The following NEMP1 variants were observed in gnomAD, a reference collection of about 807,000 sequenced individuals.
NEMP1 encodes the protein transmembrane protein 194.
NEMP1 carries 29 observed loss-of-function variants against 53.7 expected under a neutral mutation model. That is an observed-to-expected ratio of 0.54 (90% CI 0.40 to 0.74). NEMP1 has a LOEUF of 0.74. NEMP1 is among the 30% of genes least tolerant of loss of function. The pLI, the probability that NEMP1 is intolerant of heterozygous loss-of-function variation, is 0.00. For synonymous variants in NEMP1, 193 were observed against 192.9 expected (o/e 1.00, Z 0.00); for missense variants, 477 against 528.6 (o/e 0.90, Z 0.96).
chr12:57,072,962 A>G, intron 1 of NEMP1, 50 bp from the exon 2 acceptor site: 1 of 1,502,058 alleles, frequency 6.7e-7, no homozygotes, highest in Non-Finnish European at 9.0e-7. Context: ...GCTAATAACT[A>G]TAACTCATTT....
Position 57,057,349 on chromosome 12 carries a change from G to A in NEMP1, c.*2530C>T, listed in dbSNP as rs2031575737. 6.6e-6 allele frequency: 1 copy of A among 152,210 alleles called. No individual in the cohort carries two copies. Among genetic ancestry groups the A allele is most frequent in the South Asian group, 2.1e-4 (1 of 4,830 alleles). 9.4% of individuals were successfully genotyped at this position (152,210 alleles called of 1,614,324 possible). A position where few individuals can be genotyped will look rare whatever the true frequency, so the allele number is the denominator to read the frequency against. On this transcript the variant is annotated 3_prime_UTR_variant, in exon 9 of 9. Coordinates refer to ENST00000300128, the MANE Select transcript of NEMP1 (RefSeq NM_001130963.2). ...TTGATGAGATTGGTCTGAGAGATGA[G>A]ACTGTACTGAAATCACAAGAGCTAT...
chr12:57,074,125 C>T (rs2032488521), intron 1 of NEMP1, among the ~76,000 whole-genome samples: 3 of 150,784 alleles, frequency 2.0e-5, no homozygotes, highest in African/African-American at 7.3e-5. Flanking sequence ...TACACCACCA[C>T]ACCCAGCTAG....
intron 4 of NEMP1, among the ~76,000 whole-genome samples, chr12:57,067,567 T>C (rs962235151): frequency 3.9e-5 from 6 of 152,112 alleles, no homozygotes; most frequent in African/African-American, 1.4e-4. Context: ...AACCTTCAAT[T>C]TGGAAAGAAA....
At chr12:57,085,865 G>A (rs1424744076) in intron 1 of NEMP1, among the ~76,000 whole-genome samples, 1 of 152,238 alleles carries the variant, frequency 6.6e-6, no homozygotes, top group East Asian at 1.9e-4. Context: ...CAGCCCCTTT[G>A]GGAGTAAAAT....
At chr12:57,084,455 A>G (rs2032935651) in intron 1 of NEMP1, among the ~76,000 whole-genome samples, 1 of 152,086 alleles carries the variant, frequency 6.6e-6, no homozygotes, top group Non-Finnish European at 1.5e-5. Context: ...CAGCCAATCA[A>G]TCAAGTCCTG....
At position 57,072,852 on chromosome 12, in the gene NEMP1, C is replaced by T. The variant is rs1462166362; in HGVS notation, c.188G>A (p.Ser63Asn). Residue 63 changes from serine to asparagine, a missense_variant, in exon 2 of 9, where the codon AGC becomes AAC. By Grantham distance (46) the Ser-to-Asn change is conservative. Transcript: ENST00000300128. The stretch of plus-strand genomic sequence containing the variant: ...CACATTTGTGTAACAGAATTGTTGG[C>T]TGGCACGCTTTTCACAAACTTGGGA... ...QESQVCEKRASQQFCYTNVLI... is the reference protein window; with the variant it reads ...QESQVCEKRANQQFCYTNVLI... 3 of 1,613,558 alleles carry T rather than the reference C, an allele frequency of 1.9e-6. No individual in the cohort carries two copies. Among genetic ancestry groups the T allele is most frequent in the Admixed American group, 1.7e-5 (1 of 59,916 alleles).
At chr12:57,079,767 A>T (rs1189356758), upstream of NEMP1, among the ~76,000 whole-genome samples, 2 of 149,490 alleles carry the variant, frequency 1.3e-5, no homozygotes, top group African/African-American at 4.9e-5. Context: ...CAAAACAAGA[A>T]TTTTTTTTTT....
intron 4 of NEMP1, among the ~76,000 whole-genome samples, chr12:57,068,322 G>A (rs2032191315): frequency 6.6e-6 from 1 of 150,680 alleles, no homozygotes; most frequent in African/African-American, 2.4e-5. Context: ...TAACTAGTAG[G>A]TTCCTAAAGG....
In NEMP1 at chr12:57,084,914, A is replaced by C. The variant is rs376276548; in HGVS notation, n.113+3037T>G. On this transcript the variant is annotated intron_variant and non_coding_transcript_variant, in intron 1 of 2. Transcript: ENST00000553654. The stretch of plus-strand genomic sequence containing the variant: ...ATTCATTTTTAGTGCATTCTACAAA[A>C]GTAGTGGACAATAATAGATTGGAAA... Among the ~76,000 whole-genome samples the C allele has an allele frequency of 2.0e-5, 3 of 152,214 alleles. No individual in the cohort carries two copies. The South Asian group carries it at 6.2e-4, about 32-fold the overall frequency.
rs944086128 is a variant in NEMP1, at chr12:57,057,713, C to A, written c.*2166G>T. 1 of 152,120 alleles carries A rather than the reference C, an allele frequency of 6.6e-6. No homozygotes were observed. Among genetic ancestry groups the A allele is most frequent in the Non-Finnish European group, 1.5e-5 (1 of 68,012 alleles). The allele number at this position is 152,120 out of a possible 1,614,324, so 9.4% of individuals were successfully genotyped here. Reference sequence around the variant, plus strand: ...AAGTCTAAACACGGTGGAAAAAAAACTGGTCTAGAGATGGAAACTATATTT... The same window carrying A: ...AAGTCTAAACACGGTGGAAAAAAAAATGGTCTAGAGATGGAAACTATATTT... On this transcript the variant is annotated 3_prime_UTR_variant, in exon 9 of 9. Transcript: ENST00000300128.
upstream of NEMP1, among the ~76,000 whole-genome samples, chr12:57,080,260 C>T (rs1032360489): frequency 4.6e-5 from 7 of 152,174 alleles, no homozygotes; most frequent in African/African-American, 1.4e-4. Flanking sequence ...GCTACTGCAC[C>T]TGGTCTAAAA....
At chr12:57,066,510 G>A (rs559907837) in intron 4 of NEMP1, among the ~76,000 whole-genome samples, 45 of 152,220 alleles carry the variant, frequency 3.0e-4, no homozygotes, top group Admixed American at 4.6e-4. Flanking sequence ...TCAGAGAGAT[G>A]TATGACTCTT....
chr12:57,074,809 C>A lies in NEMP1; in HGVS notation c.128-1897G>T, dbSNP rs548611904. Among the ~76,000 whole-genome samples, 24 of 152,190 alleles carry A rather than the reference C, an allele frequency of 1.6e-4. No individual in the cohort carries two copies. In the South Asian group the frequency reaches 5.0e-3, roughly 32 times the overall value. On this transcript the variant is annotated intron_variant, in intron 1 of 8. Coordinates refer to ENST00000300128, the MANE Select transcript of NEMP1 (RefSeq NM_001130963.2). ...GATTTAAAAGTGACCACTGTCCAGC[C>A]GGGCATGGTGGCTCACACCTGAAAT...
chr12:57,081,503 G>A (rs1445654195), upstream of NEMP1, among the ~76,000 whole-genome samples: 4 of 151,768 alleles, frequency 2.6e-5, no homozygotes, highest in Non-Finnish European at 4.4e-5. Context: ...TCGGCCTCCC[G>A]AAGTGCTGGG....
Position 57,070,613 on chromosome 12 carries a change from C to T in NEMP1, c.472+61G>A, listed in dbSNP as rs1023796161. ...TGACTTCTCAGTCTCACTAATTATACCCTTCAGAACTCAGTCCTTATCACT... is the reference window on the plus strand; with the variant it reads ...TGACTTCTCAGTCTCACTAATTATATCCTTCAGAACTCAGTCCTTATCACT... On this transcript the variant is annotated intron_variant, in intron 3 of 8. Coordinates refer to ENST00000300128, the MANE Select transcript of NEMP1 (RefSeq NM_001130963.2). 8 of 1,399,998 alleles carry T rather than the reference C, an allele frequency of 5.7e-6. No homozygotes were observed. In the African/African-American group the frequency reaches 7.2e-5, roughly 13 times the overall value. The allele number at this position is 1,399,998 out of a possible 1,614,324, so 86.7% of individuals were successfully genotyped here.
rs547015414 is a variant in NEMP1 at position 57,061,722 on chromosome 12, C to T, written c.981-777G>A. 2.3e-4 allele frequency among the ~76,000 whole-genome samples: 35 copies of T among 149,942 alleles called. 2 individuals carry two copies. The East Asian group carries it at 2.6e-3, about 11-fold the overall frequency. ...AAAAAAAAAAAACAAAAAAAAACGCCGGGCAAGGTGGCTCACACCTGTAAT... is the reference window on the plus strand; with the variant it reads ...AAAAAAAAAAAACAAAAAAAAACGCTGGGCAAGGTGGCTCACACCTGTAAT... On this transcript the variant is annotated intron_variant, in intron 7 of 8. Coordinates refer to ENST00000300128, the MANE Select transcript of NEMP1 (RefSeq NM_001130963.2).
In NEMP1 at chr12:57,059,297, G is replaced by C. The variant is rs2031680610; in HGVS notation, c.*582C>G. On this transcript the variant is annotated 3_prime_UTR_variant, in exon 9 of 9. Coordinates refer to ENST00000300128, the MANE Select transcript of NEMP1 (RefSeq NM_001130963.2). ...GGCCTAGGGGGTGTGTCACTCTGGA[G>C]CACTTGCTGGTTCTGGAACATGAGT... 6.6e-6 allele frequency: 1 copy of C among 152,214 alleles called. No individual in the cohort carries two copies. The highest frequency in any genetic ancestry group is 1.5e-5 in the Non-Finnish European group (1 of 68,076). The allele number at this position is 152,214 out of a possible 1,614,324, so 9.4% of individuals were successfully genotyped here. A position where few individuals can be genotyped will look rare whatever the true frequency, so the allele number is the denominator to read the frequency against.
At chr12:57,086,921 A>G (rs1444059180) in intron 1 of NEMP1, among the ~76,000 whole-genome samples, 1 of 152,222 alleles carries the variant, frequency 6.6e-6, no homozygotes, top group Non-Finnish European at 1.5e-5. Flanking sequence ...CAATTTAGAG[A>G]GTTTTCCCGT....
chr12:57,061,720 G>A (rs558209728), intron 7 of NEMP1, among the ~76,000 whole-genome samples: 37 of 142,390 alleles, frequency 2.6e-4, no homozygotes, highest in Non-Finnish European at 4.9e-4. Context: ...AAAAAAAAAC[G>A]CCGGGCAAGG....
Sources: allele counts gnomAD v4.1 joint callset (sites outside exome capture counted in the v4.1 genomes callset), GRCh38; gene constraint gnomAD v4.1.1; transcripts MANE v1.5; gene names NCBI Gene and HGNC (gene_info 2026-07-23, HGNC 2026-07-21).